CAMKMT: variants seen among roughly 807,000 people sequenced by gnomAD.
The protein encoded by CAMKMT is CaM KMT.
CAMKMT carries 53 observed loss-of-function variants against 48.0 expected under a neutral mutation model. The ratio of observed to expected loss-of-function variants is 1.10; its 90% CI spans 0.89 to 1.39. CAMKMT has a LOEUF of 1.39. CAMKMT is among the 40% of genes most tolerant of loss of function. The probability of loss-of-function intolerance (pLI) is 0.00; values close to 1 mark genes in which losing one functional copy is unlikely to be tolerated. For synonymous variants in CAMKMT, 165 were observed against 152.3 expected, an observed-to-expected ratio of 1.08 and a Z score of -0.61; for missense variants, 428 against 402.7, an observed-to-expected ratio of 1.06 and a Z score of -0.54.
intron 3 of CAMKMT, among the ~76,000 whole-genome samples, chr2:44,647,319 G>T (rs912447387): frequency 2.6e-5 from 4 of 151,854 alleles, no homozygotes; most frequent in Non-Finnish European, 5.9e-5. Flanking sequence ...ACCCCTTTTC[G>T]TAAAGTGTCA....
At chr2:44,597,015 C>CT (rs572023407) in intron 3 of CAMKMT, among the ~76,000 whole-genome samples, 59 of 152,210 alleles carry the variant, frequency 3.9e-4, no homozygotes, top group South Asian at 2.5e-3. Context: ...GATTAAAATC[C>CT]TTTTCAATAA....
chr2:44,667,715 G>A (rs778053186), intron 3 of CAMKMT, among the ~76,000 whole-genome samples: 2 of 152,052 alleles, frequency 1.3e-5, no homozygotes, highest in Non-Finnish European at 2.9e-5. Context: ...CACCACCTCT[G>A]AAATCTCCAG....
intron 3 of CAMKMT, among the ~76,000 whole-genome samples, chr2:44,449,688 G>C (rs941510605): frequency 5.3e-5 from 8 of 152,070 alleles, no homozygotes; most frequent in African/African-American, 1.9e-4. Context: ...GCAGATGTAT[G>C]CTAATTAATA....
At chr2:44,576,624 T>TA (rs1478722719) in intron 3 of CAMKMT, among the ~76,000 whole-genome samples, 1 of 152,192 alleles carries the variant, frequency 6.6e-6, no homozygotes. Context: ...TTTTGTGACT[T>TA]ACACTGATAG....
At chr2:44,425,605 A>G (rs886749284) in intron 3 of CAMKMT, among the ~76,000 whole-genome samples, 4 of 152,204 alleles carry the variant, frequency 2.6e-5, no homozygotes, top group Non-Finnish European at 5.9e-5. Context: ...GTAACATACA[A>G]TGAGTAATTG....
intron 3 of CAMKMT, chr2:44,456,670 G>T (rs1299468194): frequency 1.3e-6 from 2 of 1,516,762 alleles, no homozygotes; most frequent in Admixed American, 2.0e-5. Flanking sequence ...TATAAGAAAA[G>T]ATGTTTTGGC....
chr2:44,473,970 A>G (rs1481011983), intron 3 of CAMKMT, among the ~76,000 whole-genome samples: 2 of 152,174 alleles, frequency 1.3e-5, no homozygotes, highest in African/African-American at 4.8e-5. Context: ...GAATACTACT[A>G]AGCAGCAATT....
chr2:44,561,619 A>G (rs184826930), intron 3 of CAMKMT, among the ~76,000 whole-genome samples: 20 of 152,314 alleles, frequency 1.3e-4, no homozygotes, highest in Non-Finnish European at 2.2e-4. Context: ...TTTGTCAAAC[A>G]TGTTCTGCTC....
chr2:44,601,220 G>A (rs2103857474), intron 3 of CAMKMT, among the ~76,000 whole-genome samples: 1 of 152,180 alleles, frequency 6.6e-6, no homozygotes, highest in Middle Eastern at 3.4e-3. Context: ...ACTTTGGGAG[G>A]CCAAGATGGG....
intron 3 of CAMKMT, among the ~76,000 whole-genome samples, chr2:44,435,960 T>A (rs1666219051): frequency 6.6e-6 from 1 of 152,212 alleles, no homozygotes; most frequent in African/African-American, 2.4e-5. Context: ...GTGAAGTTCG[T>A]TATGTTTATA....
At chr2:44,594,902 C>G (rs753694607) in intron 3 of CAMKMT, among the ~76,000 whole-genome samples, 22 of 152,064 alleles carry the variant, frequency 1.4e-4, no homozygotes, top group Non-Finnish European at 2.5e-4. Flanking sequence ...AAAACTTTTG[C>G]AATCTATCCA....
At chr2:44,434,928 A>G (rs1166656510) in intron 3 of CAMKMT, among the ~76,000 whole-genome samples, 1 of 152,218 alleles carries the variant, frequency 6.6e-6, no homozygotes, top group East Asian at 1.9e-4. Context: ...AGGTCAAGTC[A>G]ATTAGAAAAC....
chr2:44,762,551 T>C (rs1271188978), intron 9 of CAMKMT, among the ~76,000 whole-genome samples: 2 of 152,210 alleles, frequency 1.3e-5, no homozygotes, highest in Non-Finnish European at 2.9e-5. Flanking sequence ...ATATACCTAA[T>C]GTTAAATGAC....
At chr2:44,411,160 G>C (rs571206816) in intron 3 of CAMKMT, among the ~76,000 whole-genome samples, 19 of 151,974 alleles carry the variant, frequency 1.3e-4, no homozygotes, top group African/African-American at 4.6e-4. Flanking sequence ...TGTAATTTGC[G>C]GTCTTTATAG....
chr2:44,682,374 T>C (rs1343407821), intron 3 of CAMKMT, among the ~76,000 whole-genome samples: 2 of 152,204 alleles, frequency 1.3e-5, no homozygotes, highest in African/African-American at 4.8e-5. Context: ...TTTTTATATA[T>C]GGTAAAAATT....
At chr2:44,677,948 G>C (rs747326479) in intron 3 of CAMKMT, among the ~76,000 whole-genome samples, 2 of 151,858 alleles carry the variant, frequency 1.3e-5, no homozygotes, top group Non-Finnish European at 2.9e-5. Flanking sequence ...TCACTAAGGA[G>C]TACAATTAGA....
chr2:44,660,699 C>G (rs921195558), intron 3 of CAMKMT, among the ~76,000 whole-genome samples: 1 of 152,132 alleles, frequency 6.6e-6, no homozygotes, highest in Admixed American at 6.5e-5. Context: ...TCACTGCAGC[C>G]TCAGCTCAGG....
intron 10 of CAMKMT, 81 bp downstream of exon 10, chr2:44,766,642 T>A: frequency 6.7e-7 from 1 of 1,490,256 alleles, no homozygotes; most frequent in Non-Finnish European, 9.2e-7. Flanking sequence ...GCAGGTAACC[T>A]AAATATTTGA....
intron 3 of CAMKMT, among the ~76,000 whole-genome samples, chr2:44,562,445 C>T (rs907680025): frequency 3.3e-5 from 5 of 152,266 alleles, no homozygotes; most frequent in Non-Finnish European, 5.9e-5. Flanking sequence ...TTAATTCACA[C>T]AACATCCCTG....
Sources: gnomAD v4.1 joint callset for allele counts (sites outside exome capture counted in the v4.1 genomes callset) on GRCh38, gnomAD v4.1.1 for gene constraint, MANE v1.5 for transcripts, NCBI Gene and HGNC (gene_info 2026-07-23, HGNC 2026-07-21) for gene names.